Variants in ATP13A4 observed in about 807,000 individuals in gnomAD.
The protein encoded by ATP13A4 is probable cation-transporting ATPase 13A4.
In ATP13A4, 114 loss-of-function variants were observed where a neutral mutation model predicts 142.5. That is an observed-to-expected ratio of 0.80 (90% CI 0.69 to 0.93). ATP13A4 has a LOEUF of 0.93. Ranked by LOEUF, ATP13A4 falls within the 40% of genes least tolerant of loss-of-function variation. The pLI, the probability that ATP13A4 is intolerant of heterozygous loss-of-function variation, is 0.00. For missense variants in ATP13A4, 1,392 were observed against 1,454.0 expected (o/e 0.96, Z 0.69); for synonymous variants, 488 against 514.8 (o/e 0.95, Z 0.70).
At chr3:193,477,767 G>T (rs1265645306) in intron 8 of ATP13A4, among the ~76,000 whole-genome samples, 1 of 152,038 alleles carries the variant, frequency 6.6e-6, no homozygotes, top group Non-Finnish European at 1.5e-5. Context: ...TTGGCAGCTT[G>T]AGTTCATAGA....
chr3:193,578,545 T>C (rs540764083), intron 2 of ATP13A4, among the ~76,000 whole-genome samples: 31 of 152,168 alleles, frequency 2.0e-4, no homozygotes, highest in East Asian at 7.7e-4. Context: ...ACCATGACAG[T>C]TGGTAAAGCA....
At chr3:193,476,979 A>T (rs1719001997) in intron 8 of ATP13A4, among the ~76,000 whole-genome samples, 1 of 152,142 alleles carries the variant, frequency 6.6e-6, no homozygotes, top group Non-Finnish European at 1.5e-5. Flanking sequence ...TGACACAGAG[A>T]TATGAAGACA....
rs147254789 is a variant in ATP13A4, at chr3:193,462,617, G to A, written c.1523+145C>T. 664 of 753,834 alleles carry A rather than the reference G, an allele frequency of 8.8e-4. 2 individuals are homozygous for A. The African/African-American group carries it at 1.0e-2, about 11-fold the overall frequency. 46.7% of individuals were successfully genotyped at this position (753,834 alleles called of 1,614,324 possible). A position where few individuals can be genotyped will look rare whatever the true frequency, so the allele number is the denominator to read the frequency against. ...AGGGAGGCTTTGAAGAATTAAAGAT[G>A]AGAAGTTAAAAGAAGATACTTTGGC... On this transcript the variant is annotated intron_variant, in intron 13 of 29. Transcript: ENST00000342695.
At chr3:193,530,894 T>C (rs914473039) in intron 1 of ATP13A4, among the ~76,000 whole-genome samples, 3 of 152,170 alleles carry the variant, frequency 2.0e-5, no homozygotes, top group East Asian at 3.9e-4. Flanking sequence ...CTCAACTCTC[T>C]GTTCTCCTCA....
chr3:193,508,308 G>A (rs1365297317), intron 2 of ATP13A4, among the ~76,000 whole-genome samples: 1 of 152,172 alleles, frequency 6.6e-6, no homozygotes, highest in African/African-American at 2.4e-5. Flanking sequence ...GAGCAGTGCT[G>A]GGAATCAAAT....
chr3:193,472,396 C>A (rs1180412193), intron 8 of ATP13A4, among the ~76,000 whole-genome samples: 1 of 152,182 alleles, frequency 6.6e-6, no homozygotes, highest in Non-Finnish European at 1.5e-5. Context: ...AGGTTACCCT[C>A]ATTTTACTAC....
intron 3 of ATP13A4, among the ~76,000 whole-genome samples, chr3:193,496,797 CATAAATAAATAAATAAATAA>C (rs4019217): frequency 1.2e-4 from 17 of 145,666 alleles, no homozygotes; most frequent in Admixed American, 2.1e-4. Context: ...TCTCAAAATA[CATAAATAAATAAATAAATAA>C]ATAAATAAAT....
At chr3:193,433,243 T>C (rs1287784166) in intron 25 of ATP13A4, among the ~76,000 whole-genome samples, 4 of 152,200 alleles carry the variant, frequency 2.6e-5, no homozygotes, top group Non-Finnish European at 5.9e-5. Context: ...AGAGGCTATG[T>C]ATGTGTTTGG....
At chr3:193,554,964 T>C (rs1364341760), upstream of ATP13A4, 3 of 1,555,724 alleles carry the variant, frequency 1.9e-6, no homozygotes, top group Non-Finnish European at 2.6e-6. Flanking sequence ...CAAATGACAA[T>C]ACTTGGCAAA....
chr3:193,510,456 A>G (rs773596623), intron 2 of ATP13A4, among the ~76,000 whole-genome samples: 1 of 152,214 alleles, frequency 6.6e-6, no homozygotes, highest in Non-Finnish European at 1.5e-5. Flanking sequence ...TGTAATTACA[A>G]TAAAGATGGA....
intron 25 of ATP13A4, among the ~76,000 whole-genome samples, chr3:193,423,048 C>T (rs1715482188): frequency 6.7e-6 from 1 of 149,314 alleles, no homozygotes; most frequent in Non-Finnish European, 1.5e-5. Context: ...ACTAATAACA[C>T]AGAAATACAA....
At chr3:193,491,921 G>A (rs1036158928) in intron 5 of ATP13A4, among the ~76,000 whole-genome samples, 1 of 152,138 alleles carries the variant, frequency 6.6e-6, no homozygotes, top group Non-Finnish European at 1.5e-5. Flanking sequence ...TCAGCTTTTT[G>A]ATTCAGTGTC....
intron 2 of ATP13A4, among the ~76,000 whole-genome samples, chr3:193,560,419 G>C (rs1322431604): frequency 1.3e-5 from 2 of 152,008 alleles, no homozygotes; most frequent in African/African-American, 2.4e-5. Context: ...ATGTTGCCCA[G>C]GCTGGTCTTG....
chr3:193,466,085 G>A lies in ATP13A4; in HGVS notation c.1212C>T (p.Cys404=), dbSNP rs763316090. Residue 404 remains cysteine (C), a synonymous_variant, in exon 11 of 30, where the codon TGC becomes TGT. Transcript: ENST00000342695. ...TCCCAATGGTGGCTGTTCCTACAAG[G>A]CACAGGAGGAACCTGATGGCATCCC... ...LYRDAIRFLL[C]LVGTATIGMI... 53 of 1,614,004 alleles carry A rather than the reference G, an allele frequency of 3.3e-5. No homozygotes were observed. Among genetic ancestry groups the A allele is most frequent in the Non-Finnish European group, 4.2e-5 (49 of 1,180,008 alleles).
intron 18 of ATP13A4, among the ~76,000 whole-genome samples, chr3:193,442,848 T>C (rs554310884): frequency 6.6e-6 from 1 of 152,232 alleles, no homozygotes; most frequent in East Asian, 1.9e-4. Flanking sequence ...GCTTTGCAAA[T>C]GTTTAGGCAA....
At chr3:193,442,290 C>T in intron 19 of ATP13A4, 103 bp downstream of exon 19, 2 of 1,243,534 alleles carry the variant, frequency 1.6e-6, no homozygotes, top group South Asian at 2.5e-5. Context: ...AGCATGAATG[C>T]TAGACATTTG....
chr3:193,413,024 A>G (rs1714852300), intron 26 of ATP13A4, among the ~76,000 whole-genome samples: 1 of 152,214 alleles, frequency 6.6e-6, no homozygotes, highest in Non-Finnish European at 1.5e-5. Flanking sequence ...CTCCATCTCT[A>G]TAACAGCAAC....
intron 2 of ATP13A4, among the ~76,000 whole-genome samples, chr3:193,573,297 A>ATATATG (rs1724321123): frequency 9.2e-6 from 1 of 108,954 alleles, no homozygotes; most frequent in African/African-American, 4.2e-5. Flanking sequence ...ATACACATAT[A>ATATATG]TATATATATA....
rs1440744313 is a variant in ATP13A4 at position 193,499,164 on chromosome 3, A to C, written c.381+3329T>G. Among the ~76,000 whole-genome samples the C allele has an allele frequency of 1.3e-5, 2 of 152,220 alleles. 1 individual carries two copies. The highest frequency in any genetic ancestry group is 2.9e-5 in the Non-Finnish European group (2 of 68,034). ...TTTTTTTATTTTACAGAATGGATTTATTTCAGCAAGGTTGATTGAAACATA... is the reference window on the plus strand; with the variant it reads ...TTTTTTTATTTTACAGAATGGATTTCTTTCAGCAAGGTTGATTGAAACATA... On this transcript the variant is annotated intron_variant, in intron 3 of 29. Coordinates refer to ENST00000342695, the MANE Select transcript of ATP13A4 (RefSeq NM_032279.4).
Sources: allele counts gnomAD v4.1 joint callset (sites outside exome capture counted in the v4.1 genomes callset), GRCh38; gene constraint gnomAD v4.1.1; transcripts MANE v1.5; gene names NCBI Gene and HGNC (gene_info 2026-07-23, HGNC 2026-07-21).